The following UBE2O variants were observed in gnomAD, a reference collection of about 807,000 sequenced individuals.
The protein encoded by UBE2O is ubiquitin conjugating enzyme E2 O.
A neutral mutation model predicts 125.8 loss-of-function variants in UBE2O; 15 were observed. The ratio of observed to expected loss-of-function variants is 0.12; its 90% confidence interval spans 0.08 to 0.18. The LOEUF (loss-of-function observed/expected upper bound fraction) is 0.18, where lower values mean the gene tolerates loss of function less well. Among genes scored for constraint, UBE2O ranks in the 10% least tolerant of loss-of-function variants. UBE2O has a pLI of 1.00. For missense variants in UBE2O, 1,280 were observed against 1,723.6 expected (o/e 0.74, Z 4.56); for synonymous variants, 708 against 703.2 (o/e 1.01, Z -0.11).
At chr17:76,397,119 G>A (rs2072224540) in intron 13 of UBE2O, among the ~76,000 whole-genome samples, 3 of 152,202 alleles carry the variant, frequency 2.0e-5, no homozygotes, top group Admixed American at 1.3e-4. Flanking sequence ...AGGCGTTAGG[G>A]GACCTTGGCA....
chr17:76,391,391 G>A lies in UBE2O; in HGVS notation c.3431C>T (p.Ser1144Phe). 6.2e-7 allele frequency: 1 copy of A among 1,613,434 alleles called. No homozygotes were observed. The highest frequency in any genetic ancestry group is 8.5e-7 in the Non-Finnish European group (1 of 1,180,042). ...CAGCAGGGCATGGGTTTCCAGCCAG[G>A]ACTCGATACGGTTCACCAGCCGCCA... Reference protein sequence around the residue: ...GGWRLVNRIESWLETHALLEK... With the variant: ...GGWRLVNRIEFWLETHALLEK... Residue 1144 changes from serine (S) to phenylalanine (F), a missense_variant, in exon 18 of 18, where the codon TCC becomes TTC. This residue lies in a region of UBE2O where 233 missense variants were observed against 279.0 expected (regional missense o/e 0.84). Coordinates refer to ENST00000319380, the MANE Select transcript of UBE2O (RefSeq NM_022066.4). This position sits in a 1 kb window ranked among gnomAD's most constrained non-coding sequence, Gnocchi z 8.4.
In UBE2O at chr17:76,399,890, C is replaced by T. The variant is rs747746753; in HGVS notation, c.1187G>A (p.Arg396Gln). Residue 396 changes from arginine to glutamine, a missense_variant, in exon 9 of 18, where the codon CGG becomes CAG. Physicochemically the swap from Arg to Gln is conservative, Grantham distance 43. Coordinates refer to ENST00000319380, the MANE Select transcript of UBE2O (RefSeq NM_022066.4). The surrounding 1 kb of genome is among the most constrained non-coding windows in gnomAD (Gnocchi z 6.9). Reference sequence around the variant, plus strand: ...GGTGTCTGGGGAGCATGACATGATCCGCACAACCTGCTTCTTCAACAGGCG... The same window carrying T: ...GGTGTCTGGGGAGCATGACATGATCTGCACAACCTGCTTCTTCAACAGGCG... ...VKRLLKKQVV[R>Q]IMSCSPDTQC... 2.5e-5 allele frequency: 40 copies of T among 1,610,376 alleles called. No homozygotes were observed. The highest frequency in any genetic ancestry group is 1.2e-4 in the African/African-American group (9 of 74,818).
At chr17:76,397,969 A>C in intron 12 of UBE2O, 81 bp from the exon 13 acceptor site, 1 of 1,451,224 alleles carries the variant, frequency 6.9e-7, no homozygotes, top group Non-Finnish European at 9.6e-7. Context: ...GCAGTGACTG[A>C]CATCATGCCC....
chr17:76,445,415 A>G (rs1450246012), intron 1 of UBE2O, among the ~76,000 whole-genome samples: 1 of 152,216 alleles, frequency 6.6e-6, no homozygotes, highest in Non-Finnish European at 1.5e-5. Flanking sequence ...ATGCAAACCA[A>G]CTCAAAATCC....
chr17:76,443,036 T>C (rs1278557907), intron 1 of UBE2O, among the ~76,000 whole-genome samples: 1 of 152,092 alleles, frequency 6.6e-6, no homozygotes, highest in Admixed American at 6.5e-5. Context: ...AGCTTAGGTA[T>C]TTAGGGGTGA....
In UBE2O at chr17:76,405,498, G is replaced by T; in HGVS notation, c.477+15C>A. On this transcript the variant is annotated intron_variant, in intron 2 of 17. Transcript: ENST00000319380. This position sits in a 1 kb window ranked among gnomAD's most constrained non-coding sequence, Gnocchi z 6.1. ...GCCCCCAGGCCCGGGGCTGGGGTGG[G>T]GACGCAGGACTCACGGTGGATCGCA... The T allele has an allele frequency of 6.3e-7, 1 of 1,594,144 alleles. No homozygotes were observed.
chr17:76,411,936 G>A (rs1483116421), intron 1 of UBE2O, among the ~76,000 whole-genome samples: 2 of 152,042 alleles, frequency 1.3e-5, no homozygotes, highest in African/African-American at 4.8e-5. Flanking sequence ...TCTTGCCTCA[G>A]CCTCCCAAAG....
At chr17:76,403,406 C>T (rs2143721144) in intron 3 of UBE2O, among the ~76,000 whole-genome samples, 1 of 152,100 alleles carries the variant, frequency 6.6e-6, no homozygotes, top group African/African-American at 2.4e-5. Flanking sequence ...GTAGCTGGGA[C>T]TACAGGCATG....
chr17:76,396,703 T>C lies in UBE2O; in HGVS notation c.2234A>G (p.Asn745Ser), dbSNP rs375028778. ...EDDSDSWETD[N>S]GLVEDEHPKI... Reference sequence around the variant, plus strand: ...GGGGTGCTCGTCCTCCACCAGCCCATTGTCCGTCTCCCAGCTGTCACTATC... The same window carrying C: ...GGGGTGCTCGTCCTCCACCAGCCCACTGTCCGTCTCCCAGCTGTCACTATC... Residue 745 changes from asparagine to serine, a missense_variant, in exon 14 of 18, where the codon AAT becomes AGT. By Grantham distance (46) the Asn-to-Ser change is conservative. Around this residue, in one of 10 missense-constraint regions of UBE2O, gnomAD observed 210 missense variants for 268.9 expected, o/e 0.78. Transcript: ENST00000319380. The surrounding 1 kb of genome is among the most constrained non-coding windows in gnomAD (Gnocchi z 6.7). 3.1e-6 allele frequency: 5 copies of C among 1,613,934 alleles called. No individual in the cohort carries two copies. Among genetic ancestry groups the C allele is most frequent in the Non-Finnish European group, 3.4e-6 (4 of 1,180,000 alleles).
chr17:76,399,113 T>C lies in UBE2O; in HGVS notation c.1629-122A>G. Reference sequence around the variant, plus strand: ...GTAACCTGAAACTCTGAATCCCAGGTTGGCAGGATGAGTCTCTGGTGCACA... The same window carrying C: ...GTAACCTGAAACTCTGAATCCCAGGCTGGCAGGATGAGTCTCTGGTGCACA... On this transcript the variant is annotated intron_variant, in intron 9 of 17. Transcript: ENST00000319380. This position sits in a 1 kb window ranked among gnomAD's most constrained non-coding sequence, Gnocchi z 6.9. 1 of 1,323,622 alleles carries C rather than the reference T, an allele frequency of 7.6e-7. No homozygotes were observed. Among genetic ancestry groups the C allele is most frequent in the South Asian group, 1.4e-5 (1 of 69,850 alleles). 82.0% of individuals were successfully genotyped at this position (1,323,622 alleles called of 1,614,324 possible).
intron 1 of UBE2O, among the ~76,000 whole-genome samples, chr17:76,448,512 A>T (rs2073184509): frequency 6.6e-6 from 1 of 152,214 alleles, no homozygotes; most frequent in Admixed American, 6.5e-5. Flanking sequence ...GGGATGTTTC[A>T]CACACACAGC....
At chr17:76,392,746 A>G (rs938568655) in intron 15 of UBE2O, among the ~76,000 whole-genome samples, 15 of 151,998 alleles carry the variant, frequency 9.9e-5, no homozygotes, top group African/African-American at 3.1e-4. Flanking sequence ...TAAGGTCAGG[A>G]GTTCAAGAGC....
intron 1 of UBE2O, chr17:76,430,817 T>G: frequency 3.1e-6 from 1 of 321,844 alleles, no homozygotes; most frequent in Non-Finnish European, 6.2e-6. Flanking sequence ...CTTTTGGCCC[T>G]TTGGGCTCAC....
intron 5 of UBE2O, 115 bp downstream of exon 5, chr17:76,401,949 G>T (rs2072333607): frequency 4.7e-6 from 4 of 855,620 alleles, no homozygotes; most frequent in Non-Finnish European, 6.6e-6. Context: ...GCGCGCACCC[G>T]CCCCTTTTCT....
intron 1 of UBE2O, among the ~76,000 whole-genome samples, chr17:76,419,178 G>C (rs948890832): frequency 1.5e-4 from 22 of 147,926 alleles, no homozygotes; most frequent in African/African-American, 2.3e-4. Flanking sequence ...CAGCTACTTG[G>C]GGGGCTCTGG....
At chr17:76,397,036 G>A (rs923486910) in intron 13 of UBE2O, among the ~76,000 whole-genome samples, 8 of 152,142 alleles carry the variant, frequency 5.3e-5, no homozygotes, top group African/African-American at 1.7e-4. Flanking sequence ...CCCTCCAGCT[G>A]GACCCAAAGC....
intron 5 of UBE2O, 138 bp from the exon 6 acceptor site, chr17:76,401,292 C>T: frequency 2.9e-6 from 3 of 1,019,034 alleles, no homozygotes; most frequent in Non-Finnish European, 4.2e-6. Context: ...TAAAACAAGT[C>T]CTGTGGCTCC....
rs183210459 is a variant in UBE2O at position 76,390,860 on chromosome 17, G to T, written c.*83C>A. On this transcript the variant is annotated 3_prime_UTR_variant, in exon 18 of 18. Transcript: ENST00000319380. ...TTTGCAGTGGGGACAGAGGGGCATG[G>T]GAAGAGGGGTGATTCCGGGGGGGAG... 9.5e-5 allele frequency: 134 copies of T among 1,407,228 alleles called. 1 individual carries two copies. Among genetic ancestry groups the T allele is most frequent in the Admixed American group, 2.1e-4 (10 of 46,574 alleles). 87.2% of individuals were successfully genotyped at this position (1,407,228 alleles called of 1,614,324 possible). A position where few individuals can be genotyped will look rare whatever the true frequency, so the allele number is the denominator to read the frequency against.
In UBE2O at chr17:76,405,108, G is replaced by C. The variant is rs572849588; in HGVS notation, c.588+98C>G. 1.1e-6 allele frequency: 1 copy of C among 897,758 alleles called. No homozygotes were observed. Among genetic ancestry groups the C allele is most frequent in the East Asian group, 2.6e-5 (1 of 39,012 alleles). The allele number at this position is 897,758 out of a possible 1,614,324, so 55.6% of individuals were successfully genotyped here. On this transcript the variant is annotated intron_variant, in intron 3 of 17. Coordinates refer to ENST00000319380, the MANE Select transcript of UBE2O (RefSeq NM_022066.4). The surrounding 1 kb of genome is among the most constrained non-coding windows in gnomAD (Gnocchi z 6.1). Reference sequence around the variant, plus strand: ...CCGCCTTCTGACCCAGGAAGGCTGTGCTTGGCAAGAGCACGGAGGAGGCTG... The same window carrying C: ...CCGCCTTCTGACCCAGGAAGGCTGTCCTTGGCAAGAGCACGGAGGAGGCTG...
Sources: allele counts gnomAD v4.1 joint callset (sites outside exome capture counted in the v4.1 genomes callset), GRCh38; gene constraint gnomAD v4.1.1; regional missense constraint gnomAD v4.1.1; non-coding constraint Gnocchi (gnomAD v3.1); transcripts MANE v1.5; gene names NCBI Gene and HGNC (gene_info 2026-07-23, HGNC 2026-07-21).